The following MRE11 variants were observed in gnomAD, a reference collection of about 807,000 sequenced individuals.
The protein encoded by MRE11 is double-strand break repair protein MRE11.
A neutral mutation model predicts 91.7 loss-of-function variants in MRE11; 62 were observed. The ratio of observed to expected loss-of-function variants is 0.68; its 90% CI spans 0.55 to 0.84. MRE11 has a LOEUF of 0.84. Ranked by LOEUF, MRE11 falls within the 40% of genes least tolerant of loss-of-function variation. The probability of loss-of-function intolerance (pLI) is 0.00; values close to 1 mark genes in which losing one functional copy is unlikely to be tolerated. For missense variants in MRE11, 796 were observed against 852.9 expected (o/e 0.93, Z 0.83); for synonymous variants, 273 against 271.4 (o/e 1.01, Z -0.06).
intron 14 of MRE11, among the ~76,000 whole-genome samples, chr11:94,450,785 A>C (rs1425473038): frequency 5.9e-5 from 9 of 152,212 alleles, no homozygotes; most frequent in Non-Finnish European, 1.3e-4. Context: ...AAAAGCTAGG[A>C]GAAACAAAAT....
rs1171574450 is a variant in MRE11, at chr11:94,416,631, G to A, written c.*3494C>T. On this transcript the variant is annotated 3_prime_UTR_variant, in exon 20 of 20. Coordinates refer to ENST00000323929, the MANE Select transcript of MRE11 (RefSeq NM_005591.4). The stretch of plus-strand genomic sequence containing the variant: ...GAGGCTGAGGTGGGTGGATCACAAG[G>A]TCAGGAGATCGAGACCATCCTGGCT... The A allele has an allele frequency of 6.6e-6, 1 of 150,600 alleles. No individual in the cohort carries two copies. Among genetic ancestry groups the A allele is most frequent in the African/African-American group, 2.4e-5 (1 of 40,928 alleles). 9.3% of individuals were successfully genotyped at this position (150,600 alleles called of 1,614,324 possible).
Position 94,463,889 on chromosome 11 carries a change from C to T in MRE11, c.1225+224G>A, listed in dbSNP as rs183192375. ...GGCACATGTATACATATGCAACAAACCTGCACGTTGTGCACATGTACCCTA... is the reference window on the plus strand; with the variant it reads ...GGCACATGTATACATATGCAACAAATCTGCACGTTGTGCACATGTACCCTA... On this transcript the variant is annotated intron_variant, in intron 11 of 19. Transcript: ENST00000323929. 5.8e-3 allele frequency among the ~76,000 whole-genome samples: 878 copies of T among 152,136 alleles called. 5 individuals are homozygous for T. The highest frequency in any genetic ancestry group is 0.019 in the African/African-American group (796 of 41,484).
upstream of MRE11, chr11:94,498,622 T>C: frequency 1.7e-6 from 2 of 1,148,722 alleles, no homozygotes; most frequent in East Asian, 2.4e-5. Flanking sequence ...TCAAACATCT[T>C]ACTACAAAAA....
At chr11:94,498,204 G>T (rs1479670740), upstream of MRE11, 1 of 1,614,016 alleles carries the variant, frequency 6.2e-7, no homozygotes, top group Non-Finnish European at 8.5e-7. Flanking sequence ...ATTGCACAGG[G>T]GGCCGATGTT....
chr11:94,469,578 T>C (rs1339826851), intron 9 of MRE11, among the ~76,000 whole-genome samples: 1 of 152,146 alleles, frequency 6.6e-6, no homozygotes, highest in Non-Finnish European at 1.5e-5. Context: ...GAGTCAATCA[T>C]CTTGAAACAA....
intron 18 of MRE11, among the ~76,000 whole-genome samples, chr11:94,433,083 G>C (rs748979130): frequency 6.6e-6 from 1 of 152,116 alleles, no homozygotes; most frequent in Non-Finnish European, 1.5e-5. Flanking sequence ...TACTCCAAAT[G>C]TTTAATCCAT....
At chr11:94,462,728 T>C (rs577571156) in intron 11 of MRE11, among the ~76,000 whole-genome samples, 6 of 152,338 alleles carry the variant, frequency 3.9e-5, no homozygotes, top group African/African-American at 1.4e-4. Context: ...GCTAGCCATA[T>C]GTAGAAAGCT....
At chr11:94,472,023 G>T (rs1334338757) in intron 7 of MRE11, among the ~76,000 whole-genome samples, 1 of 151,938 alleles carries the variant, frequency 6.6e-6, no homozygotes, top group Non-Finnish European at 1.5e-5. Context: ...GATCATGAAA[G>T]GTTTTACATA....
At chr11:94,512,332 C>A in the MRE11 span, 2 of 430,064 alleles carry the variant, frequency 4.7e-6, no homozygotes, top group African/African-American at 2.0e-5. Flanking sequence ...TTGCTTTGGT[C>A]AATGATAATA....
chr11:94,490,233 A>G (rs1947251289), intron 3 of MRE11, among the ~76,000 whole-genome samples: 1 of 152,142 alleles, frequency 6.6e-6, no homozygotes, highest in Non-Finnish European at 1.5e-5. Context: ...TGGTGAGCCA[A>G]ATTGACTACA....
intron 16 of MRE11, among the ~76,000 whole-genome samples, chr11:94,443,922 T>G (rs867184217): frequency 0.33 from 46,411 of 140,398 alleles, 7,837 homozygotes; most frequent in African/African-American, 0.47. Context: ...CAACCAATTT[T>G]TTTTTTTTTT....
In MRE11 at chr11:94,429,969, G is replaced by T. The variant is rs1335212929; in HGVS notation, c.2012C>A (p.Ser671Tyr). ...KTDQRWSSTS[S>Y]SKIMSQSQVS... is the part of the protein sequence containing the mutation. Reference sequence around the variant, plus strand: ...TTGACTCTGGGACATGATTTTGCTGGATGATGTGCTGGACCACCTGAGGCA... The same window carrying T: ...TTGACTCTGGGACATGATTTTGCTGTATGATGTGCTGGACCACCTGAGGCA... The change falls in exon 19 of 20, where the codon TCC (serine) becomes TAC (tyrosine). Residue 671 changes from serine to tyrosine, a missense_variant. Coordinates refer to ENST00000323929, the MANE Select transcript of MRE11 (RefSeq NM_005591.4). 1.2e-6 allele frequency: 2 copies of T among 1,614,004 alleles called. No homozygotes were observed. The highest frequency in any genetic ancestry group is 1.1e-5 in the South Asian group (1 of 91,070).
intron 13 of MRE11, among the ~76,000 whole-genome samples, chr11:94,457,238 GAC>G (rs1301840769): frequency 1.3e-5 from 2 of 152,204 alleles, no homozygotes. Context: ...ATAGAAAACT[GAC>G]AGTGGATTTA....
the MRE11 span, among the ~76,000 whole-genome samples, chr11:94,511,172 TCG>T: frequency 5.0e-3 from 754 of 151,992 alleles, 6 homozygotes; most frequent in African/African-American, 0.017. Context: ...TAATTGCCTC[TCG>T]CTCTCTCTCT....
chr11:94,459,446 G>T lies in MRE11; in HGVS notation c.1462C>A (p.Arg488Ser). 6.2e-7 allele frequency: 1 copy of T among 1,613,930 alleles called. No individual in the cohort carries two copies. The highest frequency in any genetic ancestry group is 8.5e-7 in the Non-Finnish European group (1 of 1,179,908). The change falls in exon 13 of 20, where the codon CGT becomes AGT. Residue 488 changes from arginine (R) to serine (S), a missense_variant. Arg to Ser is a moderately radical substitution (Grantham distance 110, BLOSUM62 -1). Coordinates refer to ENST00000323929, the MANE Select transcript of MRE11 (RefSeq NM_005591.4). ...TTGTCTTCGAGGGCATCAATATGACGTTCTTTAAGAAATCGCTGTGTTTTT... is the reference window on the plus strand; with the variant it reads ...TTGTCTTCGAGGGCATCAATATGACTTTCTTTAAGAAATCGCTGTGTTTTT... ...LEKTQRFLKERHIDALEDKID... is the reference protein window; with the variant it reads ...LEKTQRFLKESHIDALEDKID...
Position 94,417,422 on chromosome 11 carries a change from T to C in MRE11, c.*2703A>G, listed in dbSNP as rs766297244. The C allele has an allele frequency of 4.8e-4, 111 of 232,594 alleles. No individual in the cohort carries two copies. The highest frequency in any genetic ancestry group is 8.3e-4 in the Non-Finnish European group (98 of 117,664). The allele number at this position is 232,594 out of a possible 1,614,324, so 14.4% of individuals were successfully genotyped here. A position where few individuals can be genotyped will look rare whatever the true frequency, so the allele number is the denominator to read the frequency against. On this transcript the variant is annotated 3_prime_UTR_variant, in exon 20 of 20. Coordinates refer to ENST00000323929, the MANE Select transcript of MRE11 (RefSeq NM_005591.4). Reference sequence around the variant, plus strand: ...AACAGGCTGAACCAAATGAAATACCTAAGTAAAGCAAATTACATGATTAGA... The same window carrying C: ...AACAGGCTGAACCAAATGAAATACCCAAGTAAAGCAAATTACATGATTAGA...
At position 94,419,980 on chromosome 11, in the gene MRE11, C is replaced by G; in HGVS notation, c.*145G>C. The G allele has an allele frequency of 1.7e-6, 1 of 600,296 alleles. No individual in the cohort carries two copies. Among genetic ancestry groups the G allele is most frequent in the Admixed American group, 2.9e-5 (1 of 33,926 alleles). 37.2% of individuals were successfully genotyped at this position (600,296 alleles called of 1,614,324 possible). On this transcript the variant is annotated 3_prime_UTR_variant, in exon 20 of 20. Coordinates refer to ENST00000323929, the MANE Select transcript of MRE11 (RefSeq NM_005591.4). ...GTTAAAAAAACAAGGTGAATCAATG[C>G]TATTGTATGTCTGTGAACTAGAAAT... is the stretch of plus-strand genomic sequence containing the variant.
chr11:94,481,317 A>T (rs1407814258), intron 4 of MRE11, among the ~76,000 whole-genome samples: 2 of 152,194 alleles, frequency 1.3e-5, no homozygotes, highest in Non-Finnish European at 2.9e-5. Context: ...TCGAAAAAAA[A>T]AAATAAAAGT....
chr11:94,439,993 G>T (rs1157987021), intron 16 of MRE11, among the ~76,000 whole-genome samples: 1 of 152,206 alleles, frequency 6.6e-6, no homozygotes, highest in African/African-American at 2.4e-5. Context: ...TGATGAGGAG[G>T]AATGATGCAG....
Sources: allele counts gnomAD v4.1 joint callset (sites outside exome capture counted in the v4.1 genomes callset), GRCh38; gene constraint gnomAD v4.1.1; transcripts MANE v1.5; gene names NCBI Gene and HGNC (gene_info 2026-07-23, HGNC 2026-07-21).